The following MAP4 variants were observed in gnomAD, a reference collection of about 807,000 sequenced individuals.
MAP4 encodes microtubule associated protein 4.
A neutral mutation model predicts 170.2 loss-of-function variants in MAP4; 76 were observed. The observed-to-expected ratio is 0.45, with a 90% confidence interval of 0.37 to 0.54. The LOEUF is 0.54. Among genes scored for constraint, MAP4 ranks in the 20% least tolerant of loss-of-function variants. MAP4 has a pLI of 0.00. For synonymous variants in MAP4, 909 were observed against 994.5 expected, an observed-to-expected ratio of 0.91 and a Z score of 1.62; for missense variants, 2,506 against 2,748.0, an observed-to-expected ratio of 0.91 and a Z score of 1.97.
chr3:48,068,347 C>G (rs1442695643), intron 1 of MAP4, among the ~76,000 whole-genome samples: 2 of 151,786 alleles, frequency 1.3e-5, no homozygotes, highest in Non-Finnish European at 2.9e-5. Context: ...TAACTGAATC[C>G]TTGGCTGTGA....
chr3:48,054,460 A>G (rs1479019329), intron 1 of MAP4, among the ~76,000 whole-genome samples: 1 of 151,610 alleles, frequency 6.6e-6, no homozygotes, highest in Non-Finnish European at 1.5e-5. Flanking sequence ...GTCTCTACCA[A>G]AAATACAATA....
In MAP4 at chr3:47,997,831, G is replaced by A. The variant is rs372155279; in HGVS notation, c.223+807C>T. Among the ~76,000 whole-genome samples, 112 of 152,188 alleles carry A rather than the reference G, an allele frequency of 7.4e-4. 1 individual carries two copies. Among genetic ancestry groups the A allele is most frequent in the African/African-American group, 2.6e-3 (108 of 41,538 alleles). ...ATCTCCATTAATCTGCAACATTTAT[G>A]CCAGGAAAGGGACCAAGGAATTCCT... On this transcript the variant is annotated intron_variant, in intron 2 of 20. Transcript: ENST00000683076.
At position 48,061,342 on chromosome 3, in the gene MAP4, G is replaced by A. The variant is rs535291902; in HGVS notation, c.-20+27431C>T. On this transcript the variant is annotated intron_variant, in intron 1 of 18. Coordinates refer to the MAP4 transcript ENST00000360240. ...CGAGTGCCTGCGATTGCAGGCACGC[G>A]CCGCCACGCCTGACCGGTTTTCGTA... Among the ~76,000 whole-genome samples, 9 of 152,178 alleles carry A rather than the reference G, an allele frequency of 5.9e-5. No individual in the cohort carries two copies. The South Asian group carries it at 8.3e-4, about 14-fold the overall frequency.
rs1184343641 is a variant in MAP4 at position 47,851,435 on chromosome 3, A to AGAG, written c.*1496_*1498dup. 6.6e-6 allele frequency: 1 copy of AGAG among 152,228 alleles called. No individual in the cohort carries two copies. Among genetic ancestry groups the AGAG allele is most frequent in the Non-Finnish European group, 1.5e-5 (1 of 68,046 alleles). The allele number at this position is 152,228 out of a possible 1,614,324, so 9.4% of individuals were successfully genotyped here. A position where few individuals can be genotyped will look rare whatever the true frequency, so the allele number is the denominator to read the frequency against. ...AGGGATGCCAGGACCAGAGAAGGGC[A>AGAG]GAGGTCAGGAGGGGGCATGAGGAGG... On this transcript the variant is annotated 3_prime_UTR_variant, in exon 21 of 21. Coordinates refer to ENST00000683076, the MANE Select transcript of MAP4 (RefSeq NM_001385682.1).
Position 47,911,621 on chromosome 3 carries a change from A to G in MAP4, c.2800T>C (p.Tyr934His). 1 of 1,536,136 alleles carries G rather than the reference A, an allele frequency of 6.5e-7. No homozygotes were observed. The highest frequency in any genetic ancestry group is 1.2e-5 in the South Asian group (1 of 84,070). Residue 934 changes from tyrosine (Y) to histidine (H), a missense_variant, in exon 9 of 21, where the codon TAC becomes CAC. Physicochemically the swap from Tyr to His is moderately conservative, Grantham distance 83. This residue lies in a region of MAP4 where 2,008 missense variants were observed against 2,206.0 expected (regional missense o/e 0.91). Coordinates refer to ENST00000683076, the MANE Select transcript of MAP4 (RefSeq NM_001385682.1). This position sits in a 1 kb window ranked among gnomAD's most constrained non-coding sequence, Gnocchi z 4.0. ...ATATCCAAAGGGGTTTCTACATTGTATGCAGAAACTTCTGCTAGGGGTCCT... is the reference window on the plus strand; with the variant it reads ...ATATCCAAAGGGGTTTCTACATTGTGTGCAGAAACTTCTGCTAGGGGTCCT... ...LKGPLAEVSA[Y>H]NVETPLDIRL...
intron 1 of MAP4, among the ~76,000 whole-genome samples, chr3:48,049,456 CA>C (rs34197745): frequency 0.6 from 91,523 of 151,324 alleles, 28,910 homozygotes; most frequent in East Asian, 0.72. Flanking sequence ...CCTGTCTCTA[CA>C]AAAAATGCAA....
chr3:48,049,413 A>G (rs1432782396), intron 1 of MAP4, among the ~76,000 whole-genome samples: 1 of 149,818 alleles, frequency 6.7e-6, no homozygotes, highest in Admixed American at 6.7e-5. Flanking sequence ...TGAGCCTAGG[A>G]GTCTGAGACC....
intron 1 of MAP4, among the ~76,000 whole-genome samples, chr3:48,056,459 T>C (rs868559521): frequency 2.1e-3 from 82 of 38,306 alleles, no homozygotes; most frequent in South Asian, 6.4e-3. Context: ...GCCCCCCGCC[T>C]GGCCAGCCGC....
chr3:47,891,507 A>G (rs1291720138), intron 10 of MAP4: 24 of 1,515,390 alleles, frequency 1.6e-5, no homozygotes, highest in Middle Eastern at 3.4e-4. Context: ...AGGCCAGAAG[A>G]AGGCTCTTCT....
intron 1 of MAP4, among the ~76,000 whole-genome samples, chr3:48,068,139 C>T (rs1303420781): frequency 6.6e-6 from 1 of 151,760 alleles, no homozygotes; most frequent in African/African-American, 2.4e-5. Flanking sequence ...GTGCCACACA[C>T]CTGTAATCCC....
In MAP4 at chr3:47,855,103, G is replaced by A. The variant is rs946105844; in HGVS notation, c.6696+145C>T. 1.4e-5 allele frequency: 9 copies of A among 629,514 alleles called. No homozygotes were observed. Among genetic ancestry groups the A allele is most frequent in the Non-Finnish European group, 2.3e-5 (8 of 345,704 alleles). 39.0% of individuals were successfully genotyped at this position (629,514 alleles called of 1,614,324 possible). ...TCAGTCAGGACTGATGATACACGGT[G>A]GGAAAACGGCAATGGTGTGGGTGAA... On this transcript the variant is annotated intron_variant, in intron 19 of 20. Coordinates refer to ENST00000683076, the MANE Select transcript of MAP4 (RefSeq NM_001385682.1). This position sits in a 1 kb window ranked among gnomAD's most constrained non-coding sequence, Gnocchi z 5.1.
In MAP4 at chr3:47,914,843, G is replaced by A. The variant is rs760910366; in HGVS notation, c.1973C>T (p.Pro658Leu). 6.2e-7 allele frequency: 1 copy of A among 1,614,152 alleles called. No homozygotes were observed. The highest frequency in any genetic ancestry group is 8.5e-7 in the Non-Finnish European group (1 of 1,180,034). The change falls in exon 8 of 21, where the codon CCT becomes CTT. Residue 658 changes from proline (P) to leucine (L), a missense_variant. Pro to Leu is a moderately conservative substitution (Grantham distance 98). Around this residue, in one of 3 missense-constraint regions of MAP4, gnomAD observed 2,008 missense variants for 2,206.0 expected, o/e 0.91. Transcript: ENST00000683076. ...LGERKPCNSQ[P>L]SELSSETSAN... Reference sequence around the variant, plus strand: ...TGAGGTCTCTGAAGAAAGCTCAGAAGGTTGACTGTTGCATGGTTTCCTTTC... The same window carrying A: ...TGAGGTCTCTGAAGAAAGCTCAGAAAGTTGACTGTTGCATGGTTTCCTTTC...
In MAP4 at chr3:47,855,276, C is replaced by T. The variant is rs373642087; in HGVS notation, c.6668G>A (p.Gly2223Asp). The change falls in exon 19 of 21, where the codon GGC becomes GAC. Residue 2223 changes from glycine to aspartate, a missense_variant. This residue lies in a region of MAP4 where 487 missense variants were observed against 511.6 expected (regional missense o/e 0.95). Transcript: ENST00000683076. The surrounding 1 kb of genome is among the most constrained non-coding windows in gnomAD (Gnocchi z 5.1). ...QAKVGSLDNV[G>D]HLPAGGAVKT... ...CACAGCACCTCCTGCAGGTAGGTGG[C>T]CCACATTATCGAGGGATCCCACCTT... The T allele has an allele frequency of 5.0e-6, 8 of 1,613,866 alleles. No homozygotes were observed. Among genetic ancestry groups the T allele is most frequent in the Non-Finnish European group, 6.8e-6 (8 of 1,179,928 alleles).
At chr3:48,012,876 T>C (rs1195115028) in intron 1 of MAP4, among the ~76,000 whole-genome samples, 2 of 152,096 alleles carry the variant, frequency 1.3e-5, no homozygotes, top group Non-Finnish European at 2.9e-5. Context: ...ACCACATAAA[T>C]AGAATATGAT....
At chr3:48,015,623 T>C (rs575316851) in intron 1 of MAP4, among the ~76,000 whole-genome samples, 3 of 152,336 alleles carry the variant, frequency 2.0e-5, no homozygotes, top group African/African-American at 7.2e-5. Context: ...TTACCCAGAT[T>C]TGTTTCTTAC....
chr3:48,047,727 T>C (rs2100125339), intron 1 of MAP4, among the ~76,000 whole-genome samples: 1 of 152,244 alleles, frequency 6.6e-6, no homozygotes, highest in Non-Finnish European at 1.5e-5. Context: ...ATGGGTGTTT[T>C]GGTGTTCGTT....
upstream of MAP4, among the ~76,000 whole-genome samples, chr3:48,017,484 C>CTT (rs555856378): frequency 7.9e-5 from 11 of 138,542 alleles, no homozygotes; most frequent in African/African-American, 2.4e-4. Context: ...TTTCTTTTTT[C>CTT]TTTTTTTTTT....
rs1293657461 is a variant in MAP4, at chr3:47,911,807, G to T, written c.2614C>A (p.Gln872Lys). The T allele has an allele frequency of 6.5e-7, 1 of 1,536,124 alleles. No individual in the cohort carries two copies. The highest frequency in any genetic ancestry group is 8.7e-7 in the Non-Finnish European group (1 of 1,146,904). ...EEAPKTAISSQSKLRVEEESK... is the reference protein window; with the variant it reads ...EEAPKTAISSKSKLRVEEESK... ...TCTTCCTCTACTCTCAGCTTAGACT[G>T]AGAACTTATTGCAGTTTTGGGGGCT... The change falls in exon 9 of 21, where the codon CAG becomes AAG. Residue 872 changes from glutamine to lysine, a missense_variant. Physicochemically the swap from Gln to Lys is moderately conservative, Grantham distance 53. Coordinates refer to ENST00000683076, the MANE Select transcript of MAP4 (RefSeq NM_001385682.1). This position sits in a 1 kb window ranked among gnomAD's most constrained non-coding sequence, Gnocchi z 4.0.
chr3:48,048,843 T>G (rs1360608196), intron 1 of MAP4, among the ~76,000 whole-genome samples: 1 of 152,184 alleles, frequency 6.6e-6, no homozygotes, highest in Admixed American at 6.5e-5. Flanking sequence ...TAAGCAGTTT[T>G]GTCTCATGTA....
Sources: gnomAD v4.1 joint callset for allele counts (sites outside exome capture counted in the v4.1 genomes callset) on GRCh38, gnomAD v4.1.1 for gene constraint, gnomAD v4.1.1 regional missense constraint, Gnocchi (gnomAD v3.1) non-coding constraint, MANE v1.5 for transcripts, NCBI Gene and HGNC (gene_info 2026-07-23, HGNC 2026-07-21) for gene names.